FSTL5: variants seen among roughly 807,000 people sequenced by gnomAD.
FSTL5 encodes follistatin-related protein 5.
In FSTL5, 62 loss-of-function variants were observed where a neutral mutation model predicts 89.1. The ratio of observed to expected loss-of-function variants is 0.70; its 90% CI spans 0.57 to 0.86. The LOEUF (loss-of-function observed/expected upper bound fraction) is 0.86. Among genes scored for constraint, FSTL5 ranks in the 40% least tolerant of loss-of-function variants. FSTL5 has a pLI of 0.00. For synonymous variants in FSTL5, 383 were observed against 346.2 expected, an observed-to-expected ratio of 1.11 and a Z score of -1.18; for missense variants, 1,057 against 1,001.6, an observed-to-expected ratio of 1.06 and a Z score of -0.75.
At position 161,992,955 on chromosome 4, in the gene FSTL5, T is replaced by C. The variant is rs1399515000; in HGVS notation, c.160+40670A>G. Among the ~76,000 whole-genome samples the C allele has an allele frequency of 3.3e-4, 42 of 128,160 alleles. No individual in the cohort carries two copies. In the East Asian group the frequency reaches 6.0e-3, roughly 18 times the overall value. 84.1% of individuals were successfully genotyped at this position (128,160 alleles called of 152,430 possible). A position where few individuals can be genotyped will look rare whatever the true frequency, so the allele number is the denominator to read the frequency against. ...GTATATATATATGTGTGTATATCTA[T>C]ATATATATGTGTGTATATATATATA... is the stretch of plus-strand genomic sequence containing the variant. On this transcript the variant is annotated intron_variant, in intron 3 of 15. Transcript: ENST00000306100.
intron 7 of FSTL5, among the ~76,000 whole-genome samples, chr4:161,629,448 T>A (rs1354602207): frequency 6.6e-6 from 1 of 152,104 alleles, no homozygotes; most frequent in African/African-American, 2.4e-5. Context: ...GTTCAAGCCA[T>A]TCTCCTGTCT....
intron 8 of FSTL5, among the ~76,000 whole-genome samples, chr4:161,547,793 G>C (rs931771140): frequency 6.6e-6 from 1 of 151,858 alleles, no homozygotes; most frequent in Non-Finnish European, 1.5e-5. Context: ...AGATGGCATA[G>C]AGTAAATTAA....
intron 6 of FSTL5, among the ~76,000 whole-genome samples, chr4:161,729,549 T>A (rs569935081): frequency 6.6e-6 from 1 of 152,208 alleles, no homozygotes; most frequent in South Asian, 2.1e-4. Flanking sequence ...CAGTGATATA[T>A]GATTTTTGTC....
chr4:162,048,092 T>G (rs1375419778), intron 2 of FSTL5, among the ~76,000 whole-genome samples: 1 of 152,040 alleles, frequency 6.6e-6, no homozygotes, highest in African/African-American at 2.4e-5. Context: ...TTTAGGAGGC[T>G]GAAGCAGGAC....
At chr4:161,515,195 TTTTGTTTGTTTC>T (rs1479411147) in intron 10 of FSTL5, among the ~76,000 whole-genome samples, 1 of 152,008 alleles carries the variant, frequency 6.6e-6, no homozygotes, top group Non-Finnish European at 1.5e-5. Flanking sequence ...TACATTCTCT[TTTTGTTTGTTTC>T]TTTGTTTGTT....
At chr4:161,823,654 T>C (rs1209034176) in intron 4 of FSTL5, among the ~76,000 whole-genome samples, 1 of 152,116 alleles carries the variant, frequency 6.6e-6, no homozygotes, top group African/African-American at 2.4e-5. Flanking sequence ...CTGAGGATCA[T>C]GGGGTTCCTG....
intron 3 of FSTL5, among the ~76,000 whole-genome samples, chr4:161,950,608 T>C (rs1346046657): frequency 6.6e-6 from 1 of 152,166 alleles, no homozygotes; most frequent in Non-Finnish European, 1.5e-5. Flanking sequence ...TTACCTCGCA[T>C]GAGTTCTGCT....
At chr4:161,695,424 C>CGTATGT (rs1553959079) in intron 6 of FSTL5, among the ~76,000 whole-genome samples, 8 of 134,248 alleles carry the variant, frequency 6.0e-5, no homozygotes, top group Non-Finnish European at 1.1e-4. Context: ...CCATGGTGTA[C>CGTATGT]GTGTGTGTGT....
intron 6 of FSTL5, among the ~76,000 whole-genome samples, chr4:161,735,564 G>C (rs375163524): frequency 6.6e-6 from 1 of 152,150 alleles, no homozygotes; most frequent in Non-Finnish European, 1.5e-5. Flanking sequence ...TCTGAGATCA[G>C]TTAGCTAAGA....
At chr4:161,405,587 C>T (rs1227763902) in intron 15 of FSTL5, among the ~76,000 whole-genome samples, 5 of 152,056 alleles carry the variant, frequency 3.3e-5, no homozygotes, top group African/African-American at 7.2e-5. Context: ...ATACCAGTTA[C>T]GCAATTTTCC....
intron 10 of FSTL5, among the ~76,000 whole-genome samples, chr4:161,527,627 T>C (rs1731270722): frequency 6.6e-6 from 1 of 151,890 alleles, no homozygotes; most frequent in South Asian, 2.1e-4. Flanking sequence ...ATGGCAATCA[T>C]TAAAAAGTCA....
intron 3 of FSTL5, among the ~76,000 whole-genome samples, chr4:161,998,698 T>C (rs914213194): frequency 6.6e-6 from 1 of 152,128 alleles, no homozygotes; most frequent in Non-Finnish European, 1.5e-5. Flanking sequence ...TTGCTTTGGG[T>C]TCAATAATCA....
intron 11 of FSTL5, among the ~76,000 whole-genome samples, chr4:161,505,396 A>T (rs1288261856): frequency 1.3e-5 from 2 of 152,158 alleles, no homozygotes. Context: ...CTTGCTAGAA[A>T]GTTTTTTAGG....
At chr4:161,665,188 GTTTTGT>G (rs935412434) in intron 6 of FSTL5, among the ~76,000 whole-genome samples, 91 of 152,216 alleles carry the variant, frequency 6.0e-4, no homozygotes, top group East Asian at 5.0e-3. Context: ...TAAAAGTTTT[GTTTTGT>G]TTTTGTTTTT....
intron 6 of FSTL5, among the ~76,000 whole-genome samples, chr4:161,721,412 T>G (rs1455798270): frequency 6.6e-6 from 1 of 151,940 alleles, no homozygotes; most frequent in African/African-American, 2.4e-5. Flanking sequence ...TGGAAAAAAT[T>G]TTTGGAGTTG....
intron 8 of FSTL5, among the ~76,000 whole-genome samples, chr4:161,563,264 T>C (rs1732671596): frequency 6.6e-6 from 1 of 152,048 alleles, no homozygotes; most frequent in Non-Finnish European, 1.5e-5. Context: ...AATATGGGTG[T>C]AAAAATATTA....
intron 4 of FSTL5, among the ~76,000 whole-genome samples, chr4:161,791,919 G>A (rs959531516): frequency 5.9e-5 from 9 of 152,316 alleles, no homozygotes; most frequent in Admixed American, 2.6e-4. Flanking sequence ...CCGGGGCTGC[G>A]CGCTCCGCAG....
chr4:161,656,132 A>C (rs1010859494), intron 7 of FSTL5, among the ~76,000 whole-genome samples, 196 bp downstream of exon 7: 1 of 152,156 alleles, frequency 6.6e-6, no homozygotes, highest in Non-Finnish European at 1.5e-5. Flanking sequence ...CCATTTTGCT[A>C]TACCAATACA....
chr4:161,822,601 G>A (rs1730525225), intron 4 of FSTL5, among the ~76,000 whole-genome samples: 1 of 152,202 alleles, frequency 6.6e-6, no homozygotes, highest in Non-Finnish European at 1.5e-5. Context: ...GAGCTGCAAA[G>A]AGGGTGTCAC....
Sources: allele counts gnomAD v4.1 joint callset (sites outside exome capture counted in the v4.1 genomes callset), GRCh38; gene constraint gnomAD v4.1.1; transcripts MANE v1.5; gene names NCBI Gene and HGNC (gene_info 2026-07-23, HGNC 2026-07-21).